The following SRP68 variants were observed in gnomAD, a reference collection of about 807,000 sequenced individuals.
The protein encoded by SRP68 is signal recognition particle 68, also known as signal recognition particle subunit SRP68.
A neutral mutation model predicts 82.2 loss-of-function variants in SRP68; 15 were observed. The ratio of observed to expected loss-of-function variants is 0.18; its 90% CI spans 0.12 to 0.28. SRP68 has a LOEUF of 0.28. SRP68 is among the 10% of genes least tolerant of loss of function. SRP68 has a pLI of 1.00. For synonymous variants in SRP68, 261 were observed against 292.6 expected (o/e 0.89, Z 1.10); for missense variants, 595 against 780.5 (o/e 0.76, Z 2.83).
intron 5 of SRP68, 108 bp from the exon 6 acceptor site, chr17:76,061,327 C>G (rs1332382295): frequency 3.2e-6 from 3 of 946,284 alleles, no homozygotes; most frequent in Non-Finnish European, 3.3e-6. Flanking sequence ...CTCCTACCAA[C>G]TACCATAACT....
intron 3 of SRP68, 45 bp downstream of exon 3, chr17:76,067,172 G>A (rs751014229): frequency 7.4e-7 from 1 of 1,360,510 alleles, no homozygotes; most frequent in South Asian, 1.2e-5. Flanking sequence ...TTCAATAAAT[G>A]TATTAGCAAG....
At chr17:76,070,672 C>T (rs1367423246) in intron 1 of SRP68, among the ~76,000 whole-genome samples, 1 of 152,080 alleles carries the variant, frequency 6.6e-6, no homozygotes, top group Non-Finnish European at 1.5e-5. Flanking sequence ...GAAACCCCGT[C>T]TCTACTAAAA....
At chr17:76,043,406 A>G (rs1257811342) in intron 13 of SRP68, 1 of 152,868 alleles carries the variant, frequency 6.5e-6, no homozygotes, top group Non-Finnish European at 1.5e-5. Context: ...ACTTGGTTGC[A>G]TGTCAGAATC....
At chr17:76,052,682 T>C (rs1013318215) in intron 8 of SRP68, among the ~76,000 whole-genome samples, 2 of 151,628 alleles carry the variant, frequency 1.3e-5, no homozygotes, top group South Asian at 4.2e-4. Flanking sequence ...TGGGCACCTG[T>C]AGTCCCAGCT....
chr17:76,069,193 G>T (rs1423969362), intron 2 of SRP68, among the ~76,000 whole-genome samples: 4 of 151,612 alleles, frequency 2.6e-5, no homozygotes, highest in Non-Finnish European at 5.9e-5. Flanking sequence ...TTCGAGACCA[G>T]CCTGGGCAAC....
At chr17:76,050,314 A>C (rs2066662059) in intron 9 of SRP68, 114 bp downstream of exon 9, 3 of 727,216 alleles carry the variant, frequency 4.1e-6, no homozygotes, top group African/African-American at 1.8e-5. Flanking sequence ...AACAAAAACG[A>C]AACAGTGGCC....
At chr17:76,046,479 A>C (rs1287245775) in intron 10 of SRP68, among the ~76,000 whole-genome samples, 6 of 121,322 alleles carry the variant, frequency 4.9e-5, no homozygotes, top group Admixed American at 8.9e-5. Context: ...AAAAAAAAAA[A>C]AAAAACAAAA....
chr17:76,055,123 A>T (rs567381075), intron 8 of SRP68, among the ~76,000 whole-genome samples: 2 of 147,844 alleles, frequency 1.4e-5, no homozygotes, highest in East Asian at 4.1e-4. Flanking sequence ...CACCCGGCTA[A>T]TTTTTTTTTT....
chr17:76,042,804 C>T (rs1042224665), intron 13 of SRP68, among the ~76,000 whole-genome samples: 5 of 152,064 alleles, frequency 3.3e-5, no homozygotes, highest in Admixed American at 6.6e-5. Context: ...AGGCTGGTCT[C>T]GAACTCCTTA....
chr17:76,062,994 TCTC>T (rs1473472868), intron 4 of SRP68, among the ~76,000 whole-genome samples: 1 of 150,996 alleles, frequency 6.6e-6, no homozygotes, highest in Non-Finnish European at 1.5e-5. Context: ...ATGGTCTCGA[TCTC>T]CTGACTTTGT....
intron 2 of SRP68, among the ~76,000 whole-genome samples, chr17:76,069,403 T>C (rs1033665334): frequency 2.1e-5 from 3 of 145,186 alleles, no homozygotes; most frequent in East Asian, 4.1e-4. Context: ...AATAAGTAAA[T>C]AAATAAAATG....
At chr17:76,065,704 G>A (rs189626480) in intron 3 of SRP68, among the ~76,000 whole-genome samples, 3 of 152,178 alleles carry the variant, frequency 2.0e-5, no homozygotes, top group Admixed American at 2.0e-4. Flanking sequence ...ATCCTTCAAG[G>A]TCAAGCCTCC....
Position 76,043,896 on chromosome 17 carries a change from T to C in SRP68, c.1457A>G (p.Tyr486Cys), listed in dbSNP as rs199927539. 1.2e-6 allele frequency: 2 copies of C among 1,611,888 alleles called. No individual in the cohort carries two copies. The highest frequency in any genetic ancestry group is 1.3e-5 in the African/African-American group (1 of 74,826). The part of the protein sequence containing the change: ...VKKWSEALVL[Y>C]DRVLKYANEV... ...ATTTGCATATTTCAGGACTCTGTCA[T>C]ACAGGACAAGGGCTTCGCTCCACTT... The change falls in exon 13 of 16, where the codon TAT becomes TGT. Residue 486 changes from tyrosine (Y) to cysteine (C), a missense_variant. By Grantham distance (194) the Tyr-to-Cys change is radical. This residue lies in a region of SRP68 where 495 missense variants were observed against 688.6 expected (regional missense o/e 0.72). Transcript: ENST00000307877.
intron 12 of SRP68, 119 bp from the exon 13 acceptor site, chr17:76,044,077 C>A: frequency 8.8e-7 from 1 of 1,133,112 alleles, no homozygotes; most frequent in Non-Finnish European, 1.2e-6. Context: ...CGTGGGATCA[C>A]CGCATGGGAG....
chr17:76,045,466 G>T, intron 11 of SRP68, 80 bp from the exon 12 acceptor site: 1 of 1,078,070 alleles, frequency 9.3e-7, no homozygotes, highest in Non-Finnish European at 1.3e-6. Flanking sequence ...TGTAAGAACG[G>T]ACAAGAGTGA....
At chr17:76,048,558 G>C (rs974564650) in intron 9 of SRP68, 3 of 152,324 alleles carry the variant, frequency 2.0e-5, no homozygotes, top group Non-Finnish European at 4.4e-5. Context: ...GGAAGCAGAG[G>C]GGAGAGGAGC....
At chr17:76,069,883 C>G (rs1300236681) in intron 2 of SRP68, among the ~76,000 whole-genome samples, 1 of 151,718 alleles carries the variant, frequency 6.6e-6, no homozygotes, top group African/African-American at 2.4e-5. Flanking sequence ...TTGAGACCAG[C>G]CTGGCCAACA....
chr17:76,045,988 C>T (rs1296274679), intron 11 of SRP68, 50 bp downstream of exon 11: 2 of 1,607,552 alleles, frequency 1.2e-6, no homozygotes, highest in African/African-American at 1.3e-5. Context: ...GTGTCCGACA[C>T]AGGCAAAGGA....
At chr17:76,064,952 A>C (rs1448929939) in intron 3 of SRP68, among the ~76,000 whole-genome samples, 3 of 152,112 alleles carry the variant, frequency 2.0e-5, no homozygotes, top group African/African-American at 7.2e-5. Context: ...GACTGTGGGC[A>C]AAGTACTAAC....
Sources: allele counts gnomAD v4.1 joint callset (sites outside exome capture counted in the v4.1 genomes callset), GRCh38; gene constraint gnomAD v4.1.1; regional missense constraint gnomAD v4.1.1; transcripts MANE v1.5; gene names NCBI Gene and HGNC (gene_info 2026-07-23, HGNC 2026-07-21).